TFAP2E: variants seen among roughly 807,000 people sequenced by gnomAD.
TFAP2E encodes the protein transcription factor AP-2-epsilon.
Under a neutral mutation model 37.9 loss-of-function variants are expected in TFAP2E, and 30 were observed. The observed-to-expected ratio is 0.79, with a 90% CI of 0.59 to 1.07. TFAP2E has a LOEUF of 1.07. Among genes scored for constraint, TFAP2E ranks in the 50% least tolerant of loss-of-function variants. The pLI is 0.00. For synonymous variants in TFAP2E, 318 were observed against 295.8 expected (o/e 1.08, Z -0.77); for missense variants, 567 against 637.9 (o/e 0.89, Z 1.20).
intron 3 of TFAP2E, among the ~76,000 whole-genome samples, chr1:35,587,164 C>T (rs1347584572): frequency 6.6e-6 from 1 of 152,178 alleles, no homozygotes; most frequent in Non-Finnish European, 1.5e-5. Flanking sequence ...CTGATGTACA[C>T]ACGAGGCCTT....
chr1:35,594,746 CCTGGA>C lies in TFAP2E; in HGVS notation c.*71_*75del. 1 of 1,593,922 alleles carries C rather than the reference CCTGGA, an allele frequency of 6.3e-7. No individual in the cohort carries two copies. The highest frequency in any genetic ancestry group is 1.1e-5 in the South Asian group (1 of 89,790). ...TAGGGACTTAGCTCTTGGGGGTGGG[CCTGGA>C]AGGACTGAAAGGTGGGATTAGAGTC... is the stretch of plus-strand genomic sequence containing the variant. On this transcript the variant is annotated 3_prime_UTR_variant, in exon 7 of 7. Transcript: ENST00000373235.
At chr1:35,578,471 T>G (rs1210598414) in intron 3 of TFAP2E, among the ~76,000 whole-genome samples, 1 of 151,220 alleles carries the variant, frequency 6.6e-6, no homozygotes, top group East Asian at 1.9e-4. Context: ...GGTTTCAGGT[T>G]ATACAATCAG....
chr1:35,594,799 C>A lies in TFAP2E; in HGVS notation c.*123C>A. 1 of 1,398,776 alleles carries A rather than the reference C, an allele frequency of 7.1e-7. No homozygotes were observed. Among genetic ancestry groups the A allele is most frequent in the Non-Finnish European group, 9.6e-7 (1 of 1,036,894 alleles). 86.6% of individuals were successfully genotyped at this position (1,398,776 alleles called of 1,614,324 possible). A position where few individuals can be genotyped will look rare whatever the true frequency, so the allele number is the denominator to read the frequency against. On this transcript the variant is annotated 3_prime_UTR_variant, in exon 7 of 7. Coordinates refer to ENST00000373235, the MANE Select transcript of TFAP2E (RefSeq NM_178548.4). ...GTCAGGCCAGAAAGAGAACATTCAT[C>A]CAGAGATCCCAGAGTTGGGGATCTG...
In TFAP2E at chr1:35,588,286, TG is replaced by T. The variant is rs761101973; in HGVS notation, c.563-43del. 3 of 1,558,932 alleles carry T rather than the reference TG, an allele frequency of 1.9e-6. No individual in the cohort carries two copies. The African/African-American group carries it at 4.1e-5, about 21-fold the overall frequency. ...TACCAGACCCTCCCTTGAGTGGGGC[TG>T]TGTGCGGCAGCCACTGGCTCAGCGT... On this transcript the variant is annotated intron_variant, in intron 3 of 6. Coordinates refer to ENST00000373235, the MANE Select transcript of TFAP2E (RefSeq NM_178548.4). This position sits in a 1 kb window ranked among gnomAD's most constrained non-coding sequence, Gnocchi z 5.1.
intron 3 of TFAP2E, among the ~76,000 whole-genome samples, chr1:35,579,079 CAAAAAAAAAAAAAA>C (rs578084271): frequency 4.2e-4 from 7 of 16,860 alleles, no homozygotes; most frequent in South Asian, 2.5e-3. Context: ...GAGACTATCT[CAAAAAAAAAAAAAA>C]AAAAAAAAAA....
chr1:35,575,074 C>T (rs1649131464), intron 3 of TFAP2E, 74 bp downstream of exon 3: 20 of 1,583,324 alleles, frequency 1.3e-5, no homozygotes, highest in Admixed American at 1.7e-5. Context: ...ATTTTCTTCA[C>T]CGGCCGTGCC....
chr1:35,589,226 G>A (rs1170645003), intron 4 of TFAP2E, among the ~76,000 whole-genome samples: 2 of 148,952 alleles, frequency 1.3e-5, no homozygotes, highest in African/African-American at 2.5e-5. Context: ...GTGTGTGTGT[G>A]TGTGTGTGTG....
chr1:35,573,415 C>A lies in TFAP2E; in HGVS notation c.-163C>A. ...CATGGACCCGCCCGGGAACGGCCAC[C>A]GCTGAGGACCCCACGCCCACTAGGA... On this transcript the variant is annotated 5_prime_UTR_variant, in exon 1 of 7. Coordinates refer to ENST00000373235, the MANE Select transcript of TFAP2E (RefSeq NM_178548.4). This position sits in a 1 kb window ranked among gnomAD's most constrained non-coding sequence, Gnocchi z 5.9. 1 of 934,634 alleles carries A rather than the reference C, an allele frequency of 1.1e-6. No homozygotes were observed. Among genetic ancestry groups the A allele is most frequent in the Non-Finnish European group, 1.5e-6 (1 of 681,494 alleles). The allele number at this position is 934,634 out of a possible 1,614,324, so 57.9% of individuals were successfully genotyped here. A position where few individuals can be genotyped will look rare whatever the true frequency, so the allele number is the denominator to read the frequency against.
chr1:35,589,293 T>C (rs1448269670), intron 4 of TFAP2E, among the ~76,000 whole-genome samples: 1 of 150,736 alleles, frequency 6.6e-6, no homozygotes, highest in African/African-American at 2.5e-5. Flanking sequence ...TGCCACTGTG[T>C]GGGAGTGGCA....
At chr1:35,587,414 TG>T (rs1649511858) in intron 3 of TFAP2E, among the ~76,000 whole-genome samples, 2 of 150,860 alleles carry the variant, frequency 1.3e-5, no homozygotes, top group African/African-American at 4.9e-5. Flanking sequence ...CCGAGGCGGG[TG>T]GATCATGAGG....
In TFAP2E at chr1:35,588,216, CT is replaced by C; in HGVS notation, c.563-111del. 1 of 1,102,190 alleles carries C rather than the reference CT, an allele frequency of 9.1e-7. No individual in the cohort carries two copies. Among genetic ancestry groups the C allele is most frequent in the African/African-American group, 1.6e-5 (1 of 63,376 alleles). 68.3% of individuals were successfully genotyped at this position (1,102,190 alleles called of 1,614,324 possible). On this transcript the variant is annotated intron_variant, in intron 3 of 6. Coordinates refer to ENST00000373235, the MANE Select transcript of TFAP2E (RefSeq NM_178548.4). The surrounding 1 kb of genome is among the most constrained non-coding windows in gnomAD (Gnocchi z 5.1). ...CAGTTGAGGGAACTTGGGCGAGTCA[CT>C]TTCACCTCACTGTGGCTCAGTTTCT...
chr1:35,574,019 C>G lies in TFAP2E; in HGVS notation c.120C>G (p.His40Gln). The change falls in exon 2 of 7, where the codon CAC (histidine) becomes CAG (glutamine). Residue 40 changes from histidine (H) to glutamine (Q), a missense_variant. His to Gln is a conservative substitution (Grantham distance 24). Coordinates refer to ENST00000373235, the MANE Select transcript of TFAP2E (RefSeq NM_178548.4). ...ACGGGCCGGCGCCCCCGCTCTGCCA[C>G]ACGCCGGCCGCCACAGCTGCCGCCG... ...AAYGPAPPLC[H>Q]TPAATAAAEF... The G allele has an allele frequency of 6.7e-7, 1 of 1,487,054 alleles. No individual in the cohort carries two copies. The highest frequency in any genetic ancestry group is 8.9e-7 in the Non-Finnish European group (1 of 1,125,114). The allele number at this position is 1,487,054 out of a possible 1,614,324, so 92.1% of individuals were successfully genotyped here. A position where few individuals can be genotyped will look rare whatever the true frequency, so the allele number is the denominator to read the frequency against.
At chr1:35,587,883 G>A (rs965634967) in intron 3 of TFAP2E, among the ~76,000 whole-genome samples, 2 of 152,052 alleles carry the variant, frequency 1.3e-5, no homozygotes, top group African/African-American at 2.4e-5. Flanking sequence ...GCCCCTCACC[G>A]ATGCAGGGGT....
intron 4 of TFAP2E, 66 bp from the exon 5 acceptor site, chr1:35,589,864 A>C: frequency 6.4e-7 from 1 of 1,560,058 alleles, no homozygotes; most frequent in South Asian, 1.1e-5. Flanking sequence ...TTTGGCAGCC[A>C]CTTAGCTTCC....
chr1:35,583,603 A>AGT (rs201106841), intron 3 of TFAP2E, among the ~76,000 whole-genome samples: 14,589 of 137,738 alleles, frequency 0.11, 774 homozygotes, highest in South Asian at 0.15. Flanking sequence ...TGTCTGCAGG[A>AGT]GTGTGTGTGT....
At chr1:35,574,582 A>C in intron 2 of TFAP2E, 173 bp downstream of exon 2, 2 of 1,173,020 alleles carry the variant, frequency 1.7e-6, no homozygotes, top group Non-Finnish European at 2.3e-6. Context: ...CCTGGCCATC[A>C]AGGCTGCCTG....
In TFAP2E at chr1:35,574,256, G is replaced by T. The variant is rs774890111; in HGVS notation, c.357G>T (p.Pro119=). 7.6e-7 allele frequency: 1 copy of T among 1,322,616 alleles called. No individual in the cohort carries two copies. Among genetic ancestry groups the T allele is most frequent in the South Asian group, 1.5e-5 (1 of 64,928 alleles). 81.9% of individuals were successfully genotyped at this position (1,322,616 alleles called of 1,614,324 possible). ...AGGAGCCTCCCGGCCTGCTGGCACC[G>T]CCCGCCCGCGCCCTGGGCCTTGACC... ...AHEEPPGLLA[P]PARALGLDPR... Residue 119 remains proline (P), a synonymous_variant, in exon 2 of 7, where the codon CCG becomes CCT. Coordinates refer to ENST00000373235, the MANE Select transcript of TFAP2E (RefSeq NM_178548.4).
intron 4 of TFAP2E, among the ~76,000 whole-genome samples, chr1:35,589,403 G>A (rs1649586515): frequency 6.6e-6 from 1 of 151,602 alleles, no homozygotes; most frequent in Admixed American, 6.6e-5. Context: ...CCCTGACTTG[G>A]TGTGATCCTG....
Position 35,573,551 on chromosome 1 carries a change from C to A in TFAP2E, c.-27C>A, listed in dbSNP as rs1055078459. 5 of 1,514,358 alleles carry A rather than the reference C, an allele frequency of 3.3e-6. No individual in the cohort carries two copies. Among genetic ancestry groups the A allele is most frequent in the Non-Finnish European group, 3.5e-6 (4 of 1,132,402 alleles). The allele number at this position is 1,514,358 out of a possible 1,614,324, so 93.8% of individuals were successfully genotyped here. A position where few individuals can be genotyped will look rare whatever the true frequency, so the allele number is the denominator to read the frequency against. The stretch of plus-strand genomic sequence containing the variant: ...TCGGGCTAGGGCTCCGCCGCCGCCA[C>A]GCCTCGCGCCCGGCACTCACCGCCC... On this transcript the variant is annotated 5_prime_UTR_variant, in exon 1 of 7. Transcript: ENST00000373235. The surrounding 1 kb of genome is among the most constrained non-coding windows in gnomAD (Gnocchi z 5.9).
Sources: gnomAD v4.1 joint callset for allele counts (sites outside exome capture counted in the v4.1 genomes callset) on GRCh38, gnomAD v4.1.1 for gene constraint, Gnocchi (gnomAD v3.1) non-coding constraint, MANE v1.5 for transcripts, NCBI Gene and HGNC (gene_info 2026-07-23, HGNC 2026-07-21) for gene names.